SPTBN5: variants seen among roughly 807,000 people sequenced by gnomAD.
The protein encoded by SPTBN5 is spectrin beta, non-erythrocytic 5, also known as spectrin beta chain, non-erythrocytic 5.
A neutral mutation model predicts 477.6 loss-of-function variants in SPTBN5; 513 were observed. The ratio of observed to expected loss-of-function variants is 1.07; its 90% CI spans 1.00 to 1.16. The LOEUF (loss-of-function observed/expected upper bound fraction) is 1.16, where lower values mean the gene tolerates loss of function less well. Among genes scored for constraint, SPTBN5 ranks in the 50% most tolerant of loss-of-function variants. The probability of loss-of-function intolerance (pLI) is 0.00; values close to 1 mark genes in which losing one functional copy is unlikely to be tolerated. For missense variants in SPTBN5, 5,062 were observed against 4,731.8 expected (o/e 1.07, Z -2.05); for synonymous variants, 2,169 against 2,011.7 (o/e 1.08, Z -2.09).
rs1433312995 is a variant in SPTBN5 at position 41,868,385 on chromosome 15, G to T, written c.6057+13C>A. 2 of 1,594,658 alleles carry T rather than the reference G, an allele frequency of 1.3e-6. No homozygotes were observed. The highest frequency in any genetic ancestry group is 1.7e-6 in the Non-Finnish European group (2 of 1,169,328). On this transcript the variant is annotated intron_variant, in intron 33 of 67. Coordinates refer to ENST00000320955, the MANE Select transcript of SPTBN5 (RefSeq NM_016642.4). ...AGCTAGGGTATGTGGGGGCACCAGGGGAGGGGGCCCACCTCCTTGGTGGGT... is the reference window on the plus strand; with the variant it reads ...AGCTAGGGTATGTGGGGGCACCAGGTGAGGGGGCCCACCTCCTTGGTGGGT...
At position 41,869,849 on chromosome 15, in the gene SPTBN5, G is replaced by A. The variant is rs773885739; in HGVS notation, c.5845C>T (p.Arg1949Cys). 2.0e-5 allele frequency: 31 copies of A among 1,557,534 alleles called. No individual in the cohort carries two copies. Among genetic ancestry groups the A allele is most frequent in the South Asian group, 9.4e-5 (8 of 85,406 alleles). Residue 1949 changes from arginine (R) to cysteine (C), a missense_variant, in exon 32 of 68, where the codon CGC becomes TGC. By Grantham distance (180) the Arg-to-Cys change is radical. Transcript: ENST00000320955. ...LERARLLARF[R>C]TAVRDYASWA... ...AGGGCAGGAGCCCTCACCGCCGTGC[G>A]GAAGCGGGCCAGGAGGCGTGCCCGC... is the stretch of plus-strand genomic sequence containing the variant.
rs1376994108 is a variant in SPTBN5 at position 41,868,153 on chromosome 15, C to T, written c.6123G>A (p.Lys2041=). Residue 2041 remains lysine (K), a synonymous_variant, in exon 34 of 68, where the codon AAG becomes AAA. Transcript: ENST00000320955. ...GCTGCTCGGCCTGCAGCCTCTCTTG[C>T]TTCCGTGCCCAGGTCTGATACACCT... The part of the protein sequence containing the change: ...RDQVYQTWAR[K]QERLQAEQQE... 4 of 1,591,236 alleles carry T rather than the reference C, an allele frequency of 2.5e-6. No homozygotes were observed. In the Admixed American group the frequency reaches 5.3e-5, roughly 21 times the overall value.
intron 65 of SPTBN5, 59 bp from the exon 66 acceptor site, chr15:41,850,998 A>G: frequency 6.3e-7 from 1 of 1,590,538 alleles, no homozygotes. Flanking sequence ...CCACGCCTCC[A>G]GCCCCCGCTG....
chr15:41,852,341 A>G (rs942453866), intron 61 of SPTBN5, 25 bp from the exon 62 acceptor site: 5 of 1,540,660 alleles, frequency 3.2e-6, no homozygotes, highest in Non-Finnish European at 4.4e-6. Context: ...AAGGTGGGCA[A>G]GGTGAGCCAG....
rs1281042689 is a variant in SPTBN5, at chr15:41,853,456, C to T, written c.9981-9G>A. ...TCTCCTGTGCCCATGCTCTGTGGGG[C>T]AGGGAAGGGAGCTGTTGTCAGGGCT... On this transcript the variant is annotated splice_polypyrimidine_tract_variant and intron_variant, in intron 58 of 67. Coordinates refer to ENST00000320955, the MANE Select transcript of SPTBN5 (RefSeq NM_016642.4). 1 of 1,563,276 alleles carries T rather than the reference C, an allele frequency of 6.4e-7. No individual in the cohort carries two copies. The highest frequency in any genetic ancestry group is 8.7e-7 in the Non-Finnish European group (1 of 1,147,212).
At chr15:41,851,477 T>C in intron 63 of SPTBN5, 108 bp from the exon 64 acceptor site, 1 of 839,148 alleles carries the variant, frequency 1.2e-6, no homozygotes, top group Non-Finnish European at 1.9e-6. Flanking sequence ...AAGCGGTGGA[T>C]TGGACCAAAG....
intron 22 of SPTBN5, 130 bp downstream of exon 22, chr15:41,875,328 C>T (rs2066687248): frequency 8.3e-7 from 1 of 1,199,178 alleles, no homozygotes. Context: ...CTCAGCTTGT[C>T]CTAGGCCAGA....
intron 4 of SPTBN5, among the ~76,000 whole-genome samples, chr15:41,888,690 A>G (rs1457118198): frequency 6.6e-6 from 1 of 152,192 alleles, no homozygotes; most frequent in Non-Finnish European, 1.5e-5. Context: ...CAAACTCCTG[A>G]CTTTAAATAA....
chr15:41,867,397 C>T, intron 35 of SPTBN5, 141 bp downstream of exon 35: 1 of 861,528 alleles, frequency 1.2e-6, no homozygotes, highest in Non-Finnish European at 1.8e-6. Context: ...ACAACTTGCT[C>T]AGTCAACCCC....
In SPTBN5 at chr15:41,856,265, G is replaced by A. The variant is rs2065926296; in HGVS notation, c.9021+121C>T. 4.5e-6 allele frequency: 4 copies of A among 896,384 alleles called. No homozygotes were observed. In the East Asian group the frequency reaches 1.2e-4, roughly 27 times the overall value. 55.5% of individuals were successfully genotyped at this position (896,384 alleles called of 1,614,324 possible). ...ATGTGGAAGGAAGCCCTTGGGGGCA[G>A]GAGACCACTGAGTGGAGGAGACGAA... is the stretch of plus-strand genomic sequence containing the variant. On this transcript the variant is annotated intron_variant, in intron 53 of 67. Transcript: ENST00000320955.
At position 41,882,173 on chromosome 15, in the gene SPTBN5, G is replaced by T. The variant is rs1444176010; in HGVS notation, c.2248-28C>A. On this transcript the variant is annotated intron_variant, in intron 11 of 67. Coordinates refer to ENST00000320955, the MANE Select transcript of SPTBN5 (RefSeq NM_016642.4). The stretch of plus-strand genomic sequence containing the variant: ...GTGGGAGGGGGTCGGGGGTGGTGTG[G>T]GTGAAGGGGCGCGGCTGAGCGCGGG... 2.0e-6 allele frequency: 3 copies of T among 1,538,068 alleles called. No homozygotes were observed. The South Asian group carries it at 3.6e-5, about 18-fold the overall frequency.
chr15:41,870,393 G>A (rs141180709), intron 30 of SPTBN5, 40 bp from the exon 31 acceptor site: 30 of 1,605,608 alleles, frequency 1.9e-5, no homozygotes, highest in Non-Finnish European at 2.6e-5. Context: ...GGGATGGAGC[G>A]TGGGCACTGA....
rs57761684 is a variant in SPTBN5, at chr15:41,848,789, C to T, written c.11013-161G>A. 8.4e-3 allele frequency among the ~76,000 whole-genome samples: 1,277 copies of T among 152,332 alleles called. 12 individuals are homozygous for T. Among genetic ancestry groups the T allele is most frequent in the African/African-American group, 0.029 (1,226 of 41,570 alleles). On this transcript the variant is annotated intron_variant, in intron 67 of 67. Transcript: ENST00000320955. The stretch of plus-strand genomic sequence containing the variant: ...TGACTGACAGGCGCTGCAGCAGCGA[C>T]CACAGTGACGCGTGAGTGGGTGGGA...
At chr15:41,872,174 C>T (rs2066566251) in intron 27 of SPTBN5, 128 bp downstream of exon 27, 3 of 1,264,354 alleles carry the variant, frequency 2.4e-6, no homozygotes, top group African/African-American at 3.0e-5. Flanking sequence ...CAACACACAC[C>T]CTTTTCCCAA....
intron 46 of SPTBN5, 61 bp from the exon 47 acceptor site, chr15:41,860,819 T>C: frequency 2.9e-6 from 4 of 1,398,222 alleles, no homozygotes; most frequent in Non-Finnish European, 3.7e-6. Context: ...CCAGGCTACC[T>C]GCCTTCCCAC....
At chr15:41,856,634 T>C (rs770755288) in intron 52 of SPTBN5, 36 bp from the exon 53 acceptor site, 69 of 1,527,406 alleles carry the variant, frequency 4.5e-5, no homozygotes, top group Non-Finnish European at 8.8e-7. Flanking sequence ...CGGATGTTGC[T>C]GACCCTTGGG....
At position 41,892,963 on chromosome 15, in the gene SPTBN5, C is replaced by T. The variant is rs762396086; in HGVS notation, c.315G>A (p.Pro105=). ...AGTGCACACGCAGGCGGCCCCGGCT[C>T]GGGGGTGGCAGGGCCTCCCCTGAGA... is the stretch of plus-strand genomic sequence containing the variant. The part of the protein sequence containing the change: ...ELISGEALPP[P]SRGRLRVHFL... Residue 105 remains proline (P), a synonymous_variant, in exon 3 of 68, where the codon CCG becomes CCA. Transcript: ENST00000320955. The T allele has an allele frequency of 3.7e-5, 60 of 1,609,072 alleles. No individual in the cohort carries two copies. The Admixed American group carries it at 8.2e-4, about 22-fold the overall frequency.
rs377585270 is a variant in SPTBN5 at position 41,877,341 on chromosome 15, G to A, written c.3486C>T (p.Asp1162=). The A allele has an allele frequency of 6.7e-5, 107 of 1,607,968 alleles. No homozygotes were observed. The highest frequency in any genetic ancestry group is 8.3e-5 in the Non-Finnish European group (98 of 1,177,106). Residue 1162 remains aspartate (D), a synonymous_variant, in exon 18 of 68, where the codon GAC becomes GAT. Transcript: ENST00000320955. ...AGGCTGCCATGGGCTGGCTCTGAGC[G>A]TCCAGCTGCTGCAGCCTGACCAGGA... The part of the protein sequence containing the change: ...HLWQERLQQL[D]AQSQPMAALD...
chr15:41,858,875 C>T lies in SPTBN5; in HGVS notation c.8079+15G>A. 6.4e-7 allele frequency: 1 copy of T among 1,568,206 alleles called. No individual in the cohort carries two copies. ...TTCCCCACCATGACCGCCTCCCTCT[C>T]CAAGCGAGGCGAACCTCCTGGGAGT... On this transcript the variant is annotated intron_variant, in intron 48 of 67. Transcript: ENST00000320955.
Sources: gnomAD v4.1 joint callset for allele counts (sites outside exome capture counted in the v4.1 genomes callset) on GRCh38, gnomAD v4.1.1 for gene constraint, MANE v1.5 for transcripts, NCBI Gene and HGNC (gene_info 2026-07-23, HGNC 2026-07-21) for gene names.